KIAA1586: variants seen among roughly 807,000 people sequenced by gnomAD.
The protein encoded by KIAA1586 is KIAA1586.
A neutral mutation model predicts 6.1 loss-of-function variants in KIAA1586; 5 were observed. The ratio of observed to expected loss-of-function variants is 0.82; its 90% CI spans 0.43 to 1.73. KIAA1586 has a LOEUF of 1.73. Ranked by LOEUF, KIAA1586 falls within the 40% of genes most tolerant of loss-of-function variation. KIAA1586 has a pLI of 0.02. For synonymous variants in KIAA1586, 280 were observed against 301.7 expected (o/e 0.93, Z 0.75); for missense variants, 899 against 878.2 (o/e 1.02, Z -0.30).
the KIAA1586 span, among the ~76,000 whole-genome samples, chr6:57,066,013 A>G: frequency 6.6e-6 from 1 of 151,994 alleles, no homozygotes; most frequent in African/African-American, 2.4e-5. Flanking sequence ...GTGGTGGCTC[A>G]TGCCTGTAAT....
rs201130836 is a variant in KIAA1586 at position 57,053,110 on chromosome 6, G to A, written c.611G>A (p.Arg204Gln). 1.7e-5 allele frequency: 27 copies of A among 1,605,800 alleles called. No individual in the cohort carries two copies. Among genetic ancestry groups the A allele is most frequent in the East Asian group, 4.5e-5 (2 of 44,832 alleles). The change falls in exon 4 of 4, where the codon CGA (arginine) becomes CAA (glutamine). Residue 204 changes from arginine to glutamine, a missense_variant. By Grantham distance (43) the Arg-to-Gln change is conservative (BLOSUM62 1). Transcript: ENST00000370733. ...SNKTTRQASL[R>Q]KKIREHDVSK... Reference sequence around the variant, plus strand: ...AAAACTACTAGGCAAGCTTCTCTACGAAAAAAAATTAGGGAACATGATGTT... The same window carrying A: ...AAAACTACTAGGCAAGCTTCTCTACAAAAAAAAATTAGGGAACATGATGTT...
At chr6:57,048,756 T>A (rs1314686656) in intron 2 of KIAA1586, among the ~76,000 whole-genome samples, 1 of 152,180 alleles carries the variant, frequency 6.6e-6, no homozygotes, top group Non-Finnish European at 1.5e-5. Flanking sequence ...TATGTAGAAG[T>A]GACACACGTC....
the KIAA1586 span, among the ~76,000 whole-genome samples, chr6:57,060,864 TG>T: frequency 2.0e-5 from 3 of 152,176 alleles, no homozygotes; most frequent in Non-Finnish European, 2.9e-5. Flanking sequence ...TTGCCCAGGC[TG>T]GTCTTGAACC....
intron 3 of KIAA1586, 112 bp from the exon 4 acceptor site, chr6:57,052,574 A>C: frequency 1.3e-6 from 1 of 764,118 alleles, no homozygotes; most frequent in Non-Finnish European, 1.9e-6. Context: ...AATCAGGTTA[A>C]ATATTTAAGT....
At chr6:57,060,880 G>A in the KIAA1586 span, among the ~76,000 whole-genome samples, 2 of 151,652 alleles carry the variant, frequency 1.3e-5, no homozygotes, top group African/African-American at 2.4e-5. Context: ...TGAACCCCTG[G>A]CCTCAAGTGA....
In KIAA1586 at chr6:57,054,336, C is replaced by A; in HGVS notation, c.1837C>A (p.His613Asn). ...RSILLDNIIQHMNLRLLSDRN... is the reference protein window; with the variant it reads ...RSILLDNIIQNMNLRLLSDRN... Reference sequence around the variant, plus strand: ...TATATTACTAGACAATATAATTCAGCACATGAACCTACGCCTTTTATCTGA... The same window carrying A: ...TATATTACTAGACAATATAATTCAGAACATGAACCTACGCCTTTTATCTGA... Residue 613 changes from histidine (H) to asparagine (N), a missense_variant, in exon 4 of 4, where the codon CAC becomes AAC. By Grantham distance (68) the His-to-Asn change is moderately conservative. Transcript: ENST00000370733. The A allele has an allele frequency of 6.3e-7, 1 of 1,594,258 alleles. No homozygotes were observed. The highest frequency in any genetic ancestry group is 8.5e-7 in the Non-Finnish European group (1 of 1,173,816).
chr6:57,065,185 C>T, the KIAA1586 span, among the ~76,000 whole-genome samples: 1 of 152,120 alleles, frequency 6.6e-6, no homozygotes, highest in African/African-American at 2.4e-5. Context: ...TTTGACTCTG[C>T]AGCAGATTTA....
chr6:57,053,570 T>TTTTAA lies in KIAA1586; in HGVS notation c.1071_1072insTTTAA (p.Ile358PhefsTer3). The TTTTAA allele has an allele frequency of 6.2e-7, 1 of 1,612,204 alleles. No homozygotes were observed. The highest frequency in any genetic ancestry group is 8.5e-7 in the Non-Finnish European group (1 of 1,178,582). ...TGGCTTTAAAAGAATTGGTGTCAAC[T>TTTTAA]ATAGCAGAGTGTATTGTCAATACAT... On this transcript the variant is annotated frameshift_variant, in exon 4 of 4. Transcript: ENST00000370733. LOFTEE classifies it low-confidence loss of function (END_TRUNC).
the KIAA1586 span, among the ~76,000 whole-genome samples, chr6:57,066,412 CTTTTTA>C: frequency 6.6e-6 from 1 of 152,084 alleles, no homozygotes; most frequent in Non-Finnish European, 1.5e-5. Context: ...TTAAAAACTA[CTTTTTA>C]TTTAACCTGT....
chr6:57,052,657 T>G (rs199675919), intron 3 of KIAA1586, 29 bp from the exon 4 acceptor site: 1 of 1,498,474 alleles, frequency 6.7e-7, no homozygotes, highest in East Asian at 2.3e-5. Flanking sequence ...GTTATGAATT[T>G]TACTTACATA....
rs937829015 is a variant in KIAA1586, at chr6:57,048,052, A to G, written c.105+656A>G. 4.6e-5 allele frequency among the ~76,000 whole-genome samples: 7 copies of G among 151,176 alleles called. 1 individual carries two copies. The highest frequency in any genetic ancestry group is 1.7e-4 in the African/African-American group (7 of 40,544). On this transcript the variant is annotated intron_variant, in intron 2 of 3. Coordinates refer to ENST00000370733, the MANE Select transcript of KIAA1586 (RefSeq NM_020931.4). ...GGAATCTTCATTTTCAGACAAGTGCAGGGACATAAGGATTTCTGAGCACAC... is the reference window on the plus strand; with the variant it reads ...GGAATCTTCATTTTCAGACAAGTGCGGGGACATAAGGATTTCTGAGCACAC...
intron 2 of KIAA1586, among the ~76,000 whole-genome samples, chr6:57,048,043 G>T (rs1436481018): frequency 6.6e-6 from 1 of 151,002 alleles, no homozygotes; most frequent in Non-Finnish European, 1.5e-5. Flanking sequence ...TTCATTTTCA[G>T]ACAAGTGCAG....
chr6:57,061,251 C>G, the KIAA1586 span, among the ~76,000 whole-genome samples: 1 of 152,196 alleles, frequency 6.6e-6, no homozygotes, highest in Non-Finnish European at 1.5e-5. Flanking sequence ...GCTGGGATTA[C>G]AGGCATGAGC....
rs759248645 is a variant in KIAA1586, at chr6:57,053,522, T to G, written c.1023T>G (p.Ala341=). 3.1e-6 allele frequency: 5 copies of G among 1,613,638 alleles called. No homozygotes were observed. In the Admixed American group the frequency reaches 8.3e-5, roughly 27 times the overall value. The change falls in exon 4 of 4, where the codon GCT becomes GCG. Residue 341 remains alanine, a synonymous_variant. Coordinates refer to ENST00000370733, the MANE Select transcript of KIAA1586 (RefSeq NM_020931.4). ...ATCTCCAGTGCACAATTCAGTCAGCTCCTGCACCTGTTATGTTATTTGTGG... is the reference window on the plus strand; with the variant it reads ...ATCTCCAGTGCACAATTCAGTCAGCGCCTGCACCTGTTATGTTATTTGTGG... ...VIYLQCTIQS[A]PAPVMLFVAL... is the part of the protein sequence containing the mutation.
Position 57,050,812 on chromosome 6 carries a change from G to A in KIAA1586, c.144G>A (p.Leu48=). ...PSRPVLEYID[L]VCGDDENPSA... Reference sequence around the variant, plus strand: ...GACCTGTTCTTGAATACATCGATCTGGTCTGTGGTGATGATGAAAACCCTA... The same window carrying A: ...GACCTGTTCTTGAATACATCGATCTAGTCTGTGGTGATGATGAAAACCCTA... The change falls in exon 3 of 4, where the codon CTG becomes CTA. Residue 48 remains leucine (L), a synonymous_variant. Transcript: ENST00000370733. 6.2e-7 allele frequency: 1 copy of A among 1,613,462 alleles called. No individual in the cohort carries two copies. Among genetic ancestry groups the A allele is most frequent in the Non-Finnish European group, 8.5e-7 (1 of 1,179,598 alleles).
Position 57,052,874 on chromosome 6 carries a change from G to A in KIAA1586, c.375G>A (p.Lys125=). 1 of 1,612,688 alleles carries A rather than the reference G, an allele frequency of 6.2e-7. No homozygotes were observed. The highest frequency in any genetic ancestry group is 1.3e-5 in the African/African-American group (1 of 74,886). ...IIEEKPSLSS[K]KEIDNLVLPD... is the part of the protein sequence containing the mutation. ...AAGAAAAGCCATCACTTTCATCAAA[G>A]AAAGAAATAGATAATCTTGTGCTTC... Residue 125 remains lysine (K), a synonymous_variant, in exon 4 of 4, where the codon AAG becomes AAA. Coordinates refer to ENST00000370733, the MANE Select transcript of KIAA1586 (RefSeq NM_020931.4).
chr6:57,054,251 A>G lies in KIAA1586; in HGVS notation c.1752A>G (p.Ser584=), dbSNP rs1426083076. Residue 584 remains serine, a synonymous_variant, in exon 4 of 4, where the codon TCA becomes TCG. Coordinates refer to ENST00000370733, the MANE Select transcript of KIAA1586 (RefSeq NM_020931.4). ...YESQIEDLIK[S]DKFKDIPFNK... ...CTCAAATTGAAGATTTGATCAAGTC[A>G]GATAAGTTTAAAGATATTCCATTTA... is the stretch of plus-strand genomic sequence containing the variant. The G allele has an allele frequency of 1.3e-6, 2 of 1,592,952 alleles. No individual in the cohort carries two copies. The highest frequency in any genetic ancestry group is 1.7e-6 in the Non-Finnish European group (2 of 1,172,014).
downstream of KIAA1586, among the ~76,000 whole-genome samples, chr6:57,058,356 G>A (rs1029108021): frequency 1.6e-4 from 24 of 152,230 alleles, no homozygotes; most frequent in South Asian, 8.3e-4. Context: ...AGTGCTCATT[G>A]TATAAGTGCA....
chr6:57,064,201 G>A, the KIAA1586 span, among the ~76,000 whole-genome samples: 1 of 152,132 alleles, frequency 6.6e-6, no homozygotes, highest in East Asian at 1.9e-4. Context: ...TATAGTTGGT[G>A]TATGAGAAAA....
Sources: allele counts gnomAD v4.1 joint callset (sites outside exome capture counted in the v4.1 genomes callset), GRCh38; gene constraint gnomAD v4.1.1; transcripts MANE v1.5; gene names NCBI Gene and HGNC (gene_info 2026-07-23, HGNC 2026-07-21).